ZFAT: variants seen among roughly 807,000 people sequenced by gnomAD.
ZFAT encodes the protein zinc finger and AT-hook domain containing.
Under a neutral mutation model 117.7 loss-of-function variants are expected in ZFAT, and 64 were observed. The ratio of observed to expected loss-of-function variants is 0.54; its 90% CI spans 0.44 to 0.67. The LOEUF (loss-of-function observed/expected upper bound fraction) is 0.67, where lower values mean the gene tolerates loss of function less well. Ranked by LOEUF, ZFAT falls within the 30% of genes least tolerant of loss-of-function variation. The probability of loss-of-function intolerance (pLI) is 0.00; values close to 1 mark genes in which losing one functional copy is unlikely to be tolerated. For synonymous variants in ZFAT, 679 were observed against 615.0 expected, an observed-to-expected ratio of 1.10 and a Z score of -1.54; for missense variants, 1,433 against 1,584.5, an observed-to-expected ratio of 0.90 and a Z score of 1.62.
At chr8:134,544,032 A>G (rs965132186) in intron 11 of ZFAT, among the ~76,000 whole-genome samples, 3 of 152,222 alleles carry the variant, frequency 2.0e-5, no homozygotes, top group Admixed American at 6.5e-5. Context: ...AATGTTGATG[A>G]GCTAGGCTCC....
intron 13 of ZFAT, among the ~76,000 whole-genome samples, chr8:134,517,021 C>T (rs772077044): frequency 5.9e-5 from 9 of 152,138 alleles, no homozygotes; most frequent in African/African-American, 1.2e-4. Context: ...TTATGTGTTT[C>T]GCTGTCATTA....
chr8:134,696,557 T>C, intron 1 of ZFAT: 1 of 986,090 alleles, frequency 1.0e-6, no homozygotes, highest in South Asian at 4.7e-5. Flanking sequence ...TCCTGCACTC[T>C]CCCAGGAAGC....
At chr8:134,716,143 T>TTATATATA (rs375486869), upstream of ZFAT, among the ~76,000 whole-genome samples, 202 of 142,198 alleles carry the variant, frequency 1.4e-3, 1 homozygote, top group African/African-American at 5.0e-3. Context: ...TAAAATTTAT[T>TTATATATA]TATATATATA....
At chr8:134,738,204 A>G in the ZFAT span, among the ~76,000 whole-genome samples, 1 of 152,220 alleles carries the variant, frequency 6.6e-6, no homozygotes, top group East Asian at 1.9e-4. Context: ...GAAAACAAAC[A>G]TCACAGGACT....
At chr8:134,713,061 C>T, upstream of ZFAT, 1 of 567,832 alleles carries the variant, frequency 1.8e-6, no homozygotes, top group South Asian at 4.2e-5. Context: ...CCACGGGGCG[C>T]AGACGCCTGC....
At chr8:134,788,759 C>T in the ZFAT span, among the ~76,000 whole-genome samples, 1 of 152,154 alleles carries the variant, frequency 6.6e-6, no homozygotes, top group African/African-American at 2.4e-5. Context: ...GTTTTCAACA[C>T]ATACAGATTT....
chr8:134,495,988 G>A (rs1818409063), intron 15 of ZFAT, among the ~76,000 whole-genome samples: 1 of 152,116 alleles, frequency 6.6e-6, no homozygotes, highest in Non-Finnish European at 1.5e-5. Context: ...CAAGCATAGA[G>A]CCTAGACAAC....
chr8:134,629,866 G>C (rs990830640), intron 3 of ZFAT, among the ~76,000 whole-genome samples: 1 of 152,198 alleles, frequency 6.6e-6, no homozygotes, highest in Non-Finnish European at 1.5e-5. Flanking sequence ...GTGAACTGTG[G>C]AGAGAAGAAA....
chr8:134,753,869 A>T, the ZFAT span, among the ~76,000 whole-genome samples: 4 of 152,264 alleles, frequency 2.6e-5, no homozygotes, highest in African/African-American at 9.6e-5. Flanking sequence ...TGCCACTAAG[A>T]TATTATGCTT....
the ZFAT span, among the ~76,000 whole-genome samples, chr8:134,822,587 ATATTT>A: frequency 6.6e-6 from 1 of 152,140 alleles, no homozygotes; most frequent in East Asian, 1.9e-4. Context: ...AACTTTGATT[ATATTT>A]TAATTGTTAT....
At position 134,645,800 on chromosome 8, in the gene ZFAT, T is replaced by C. The variant is rs530426314; in HGVS notation, c.197-8088A>G. 7.4e-4 allele frequency among the ~76,000 whole-genome samples: 113 copies of C among 152,270 alleles called. No homozygotes were observed. In the South Asian group the frequency reaches 0.011, roughly 15 times the overall value. ...ATAAACCAACAAATTCTAATACATA[T>C]ACCGAACATGCCACCCAGCAACAGC... On this transcript the variant is annotated intron_variant, in intron 2 of 15. Coordinates refer to ENST00000377838, the MANE Select transcript of ZFAT (RefSeq NM_020863.4).
the ZFAT span, among the ~76,000 whole-genome samples, chr8:134,758,828 C>T: frequency 1.6e-4 from 25 of 152,254 alleles, no homozygotes; most frequent in East Asian, 5.8e-4. Flanking sequence ...CATCCTGATC[C>T]GTGGCACATC....
the ZFAT span, among the ~76,000 whole-genome samples, chr8:134,788,382 G>C: frequency 2.0e-5 from 3 of 152,062 alleles, no homozygotes; most frequent in African/African-American, 7.2e-5. Context: ...GGACTATCAA[G>C]AAATCTATTA....
In ZFAT at chr8:134,478,459, G is replaced by A; in HGVS notation, c.*23C>T. 1 of 1,548,706 alleles carries A rather than the reference G, an allele frequency of 6.5e-7. No individual in the cohort carries two copies. The stretch of plus-strand genomic sequence containing the variant: ...GCAGAGCCTGGCAGCCCCGCCCTGT[G>A]GCCATCCGATGCCACATGTCCTCTA... On this transcript the variant is annotated 3_prime_UTR_variant, in exon 16 of 16. Transcript: ENST00000377838. This position sits in a 1 kb window ranked among gnomAD's most constrained non-coding sequence, Gnocchi z 5.2.
chr8:134,826,085 A>C, the ZFAT span, among the ~76,000 whole-genome samples: 1 of 152,186 alleles, frequency 6.6e-6, no homozygotes, highest in East Asian at 1.9e-4. Context: ...CAAGCAAAAA[A>C]CCATTTCCAT....
intron 11 of ZFAT, among the ~76,000 whole-genome samples, chr8:134,538,818 A>G (rs1369947244): frequency 6.6e-6 from 1 of 151,310 alleles, no homozygotes; most frequent in Admixed American, 6.6e-5. Context: ...AAAAAAAGAT[A>G]AAGATTAAAA....
chr8:134,494,310 C>T (rs966796996), intron 15 of ZFAT, among the ~76,000 whole-genome samples: 17 of 152,234 alleles, frequency 1.1e-4, no homozygotes, highest in Non-Finnish European at 2.5e-4. Flanking sequence ...AAATCACCCC[C>T]GTGACCATCC....
At chr8:134,546,851 T>C (rs201387828) in intron 11 of ZFAT, among the ~76,000 whole-genome samples, 1 of 152,182 alleles carries the variant, frequency 6.6e-6, no homozygotes, top group East Asian at 1.9e-4. Flanking sequence ...GAGATGTTCA[T>C]CAAATTATTA....
chr8:134,821,332 T>C, the ZFAT span, among the ~76,000 whole-genome samples: 1 of 152,134 alleles, frequency 6.6e-6, no homozygotes, highest in Admixed American at 6.5e-5. Flanking sequence ...GTAATGTGGC[T>C]GCCAAAAAAA....
Sources: gnomAD v4.1 joint callset for allele counts (sites outside exome capture counted in the v4.1 genomes callset) on GRCh38, gnomAD v4.1.1 for gene constraint, Gnocchi (gnomAD v3.1) non-coding constraint, MANE v1.5 for transcripts, NCBI Gene and HGNC (gene_info 2026-07-23, HGNC 2026-07-21) for gene names.